Variants in KCNIP4 observed in about 807,000 individuals in gnomAD.
The protein encoded by KCNIP4 is potassium voltage-gated channel interacting protein 4.
Under a neutral mutation model 34.0 loss-of-function variants are expected in KCNIP4, and 12 were observed. The observed-to-expected ratio is 0.35, with a 90% confidence interval of 0.23 to 0.57. KCNIP4 has a LOEUF of 0.57. Among genes scored for constraint, KCNIP4 ranks in the 20% least tolerant of loss-of-function variants. The pLI is 0.83. For missense variants in KCNIP4, 238 were observed against 311.7 expected (o/e 0.76, Z 1.78); for synonymous variants, 124 against 102.2 (o/e 1.21, Z -1.29).
intron 1 of KCNIP4, among the ~76,000 whole-genome samples, chr4:21,183,635 G>A (rs1755008459): frequency 6.6e-6 from 1 of 151,846 alleles, no homozygotes; most frequent in South Asian, 2.1e-4. Context: ...GCCAGTACTT[G>A]TCATCTTTTG....
chr4:21,440,287 C>T (rs1211669328), intron 1 of KCNIP4, among the ~76,000 whole-genome samples: 1 of 152,170 alleles, frequency 6.6e-6, no homozygotes, highest in Non-Finnish European at 1.5e-5. Flanking sequence ...CATGTGTTCA[C>T]TGTAATGAGA....
chr4:21,798,355 C>T (rs911851248), intron 1 of KCNIP4, among the ~76,000 whole-genome samples: 24 of 148,230 alleles, frequency 1.6e-4, no homozygotes, highest in Admixed American at 8.1e-4. Context: ...AATTCAAGAC[C>T]GGCCTGGGCA....
intron 3 of KCNIP4, among the ~76,000 whole-genome samples, chr4:20,826,414 ATT>A (rs111656353): frequency 1.4e-5 from 2 of 145,058 alleles, no homozygotes; most frequent in African/African-American, 5.0e-5. Context: ...CATCTCTAAA[ATT>A]TTTTTTTTTT....
intron 1 of KCNIP4, among the ~76,000 whole-genome samples, chr4:21,884,815 G>A (rs1260637606): frequency 6.6e-6 from 1 of 151,966 alleles, no homozygotes; most frequent in Non-Finnish European, 1.5e-5. Context: ...TCTGAAAGAC[G>A]ATGATGTCAC....
intron 1 of KCNIP4, among the ~76,000 whole-genome samples, chr4:21,774,769 T>G (rs1464357073): frequency 6.6e-6 from 1 of 152,214 alleles, no homozygotes; most frequent in Non-Finnish European, 1.5e-5. Context: ...TCATGAAGTT[T>G]TCATGCTGTG....
At chr4:21,321,528 A>G (rs1419143763) in intron 1 of KCNIP4, among the ~76,000 whole-genome samples, 1 of 152,102 alleles carries the variant, frequency 6.6e-6, no homozygotes, top group Non-Finnish European at 1.5e-5. Context: ...GACAATACGA[A>G]GAAGGCTTTT....
intron 1 of KCNIP4, among the ~76,000 whole-genome samples, chr4:20,884,576 C>CTTTA (rs1012480872): frequency 1.2e-4 from 18 of 152,064 alleles, no homozygotes; most frequent in African/African-American, 4.3e-4. Flanking sequence ...GAGGGTCTTA[C>CTTTA]TTTAGCTCCC....
intron 1 of KCNIP4, among the ~76,000 whole-genome samples, chr4:21,191,581 A>G (rs899706769): frequency 1.3e-5 from 2 of 152,198 alleles, no homozygotes; most frequent in African/African-American, 2.4e-5. Context: ...TAGCAAGGCA[A>G]TGAGGAGCTG....
chr4:21,001,126 T>C (rs540862154), intron 1 of KCNIP4, among the ~76,000 whole-genome samples: 24 of 152,338 alleles, frequency 1.6e-4, no homozygotes, highest in African/African-American at 5.5e-4. Flanking sequence ...AATGAGTTAA[T>C]GAATGTTGCT....
intron 1 of KCNIP4, among the ~76,000 whole-genome samples, chr4:21,186,454 G>A (rs1231345571): frequency 6.6e-6 from 1 of 152,156 alleles, no homozygotes; most frequent in Non-Finnish European, 1.5e-5. Context: ...GGGAAAGAGA[G>A]TGTAGATAAA....
intron 1 of KCNIP4, among the ~76,000 whole-genome samples, chr4:21,609,729 A>G (rs1442797777): frequency 6.6e-6 from 1 of 152,210 alleles, no homozygotes; most frequent in African/African-American, 2.4e-5. Flanking sequence ...AAAAGCAGAA[A>G]AATAATCTGT....
In KCNIP4 at chr4:21,594,109, T is replaced by C. The variant is rs150220202; in HGVS notation, c.61+354462A>G. On this transcript the variant is annotated intron_variant, in intron 1 of 8. Transcript: ENST00000382152. ...TACCTTGAAAGATACAATACCAAATTTCTTGTAATTTAAAATAACTCCTCA... is the reference window on the plus strand; with the variant it reads ...TACCTTGAAAGATACAATACCAAATCTCTTGTAATTTAAAATAACTCCTCA... Among the ~76,000 whole-genome samples the C allele has an allele frequency of 1.6e-3, 247 of 152,180 alleles. 1 individual carries two copies. Among genetic ancestry groups the C allele is most frequent in the African/African-American group, 5.6e-3 (232 of 41,544 alleles).
chr4:21,521,922 T>TAA lies in KCNIP4; in HGVS notation c.61+426647_61+426648dup, dbSNP rs200751934. Among the ~76,000 whole-genome samples, 377 of 140,084 alleles carry TAA rather than the reference T, an allele frequency of 2.7e-3. 2 individuals are homozygous for TAA. Among genetic ancestry groups the TAA allele is most frequent in the African/African-American group, 9.3e-3 (358 of 38,408 alleles). The allele number at this position is 140,084 out of a possible 152,430, so 91.9% of individuals were successfully genotyped here. The stretch of plus-strand genomic sequence containing the variant: ...TCCTCATCCATGGAGAGCATTGTAA[T>TAA]AAAAAAAAAAAAGCTCCATTTAATA... On this transcript the variant is annotated intron_variant, in intron 1 of 8. Coordinates refer to ENST00000382152, the MANE Select transcript of KCNIP4 (RefSeq NM_025221.6).
In KCNIP4 at chr4:21,610,672, G is replaced by A. The variant is rs11945090; in HGVS notation, c.61+337899C>T. On this transcript the variant is annotated intron_variant, in intron 1 of 8. Transcript: ENST00000382152. The stretch of plus-strand genomic sequence containing the variant: ...AATACGAAGTCATTTGTGTAAATGA[G>A]TTTATTCATACATTTTCATACTGCT... 1.3e-3 allele frequency among the ~76,000 whole-genome samples: 204 copies of A among 152,162 alleles called. 2 individuals are homozygous for A. The highest frequency in any genetic ancestry group is 4.5e-3 in the African/African-American group (186 of 41,506).
In KCNIP4 at chr4:20,941,440, C is replaced by G. The variant is rs141192513; in HGVS notation, c.62-58731G>C. Among the ~76,000 whole-genome samples the G allele has an allele frequency of 5.6e-3, 856 of 152,208 alleles. 8 individuals are homozygous for G. Among genetic ancestry groups the G allele is most frequent in the African/African-American group, 0.02 (822 of 41,536 alleles). On this transcript the variant is annotated intron_variant, in intron 1 of 8. Coordinates refer to ENST00000382152, the MANE Select transcript of KCNIP4 (RefSeq NM_025221.6). Reference sequence around the variant, plus strand: ...TGTTTTCTGCTTCTTAATAGAAAAGCTAGTACAGAAAGGAAGTTCCAAATG... The same window carrying G: ...TGTTTTCTGCTTCTTAATAGAAAAGGTAGTACAGAAAGGAAGTTCCAAATG...
intron 1 of KCNIP4, among the ~76,000 whole-genome samples, chr4:21,458,032 G>C (rs1192243274): frequency 6.6e-6 from 1 of 151,048 alleles, no homozygotes; most frequent in African/African-American, 2.4e-5. Flanking sequence ...TAGGGTACAC[G>C]TGCTCATTGC....
chr4:21,790,032 C>A (rs1484106370), intron 1 of KCNIP4, among the ~76,000 whole-genome samples: 1 of 152,154 alleles, frequency 6.6e-6, no homozygotes, highest in African/African-American at 2.4e-5. Context: ...TATGAAACTG[C>A]CATGAAAAGC....
intron 1 of KCNIP4, among the ~76,000 whole-genome samples, chr4:21,744,831 C>T (rs1716664864): frequency 6.6e-6 from 1 of 152,134 alleles, no homozygotes; most frequent in Non-Finnish European, 1.5e-5. Flanking sequence ...AAACTAAAAA[C>T]AAAACACGTT....
intron 1 of KCNIP4, among the ~76,000 whole-genome samples, chr4:21,146,124 C>A (rs1370196087): frequency 6.6e-6 from 1 of 152,130 alleles, no homozygotes; most frequent in Non-Finnish European, 1.5e-5. Flanking sequence ...CTCGGCCGGG[C>A]GCAGTGGCTC....
Sources: allele counts gnomAD v4.1 joint callset (sites outside exome capture counted in the v4.1 genomes callset), GRCh38; gene constraint gnomAD v4.1.1; transcripts MANE v1.5; gene names NCBI Gene and HGNC (gene_info 2026-07-23, HGNC 2026-07-21).